OR5M1: variants seen among roughly 807,000 people sequenced by gnomAD.
The protein encoded by OR5M1 is olfactory receptor 5M1.
For missense variants in OR5M1, 367 were observed against 379.5 expected (o/e 0.97, Z 0.27); for synonymous variants, 165 against 144.2 (o/e 1.14, Z -1.04).
chr11:56,613,565 G>A, intron 1 of OR5M1, 46 bp from the exon 2 acceptor site: 1 of 1,483,340 alleles, frequency 6.7e-7, no homozygotes, highest in East Asian at 2.3e-5. Flanking sequence ...ATTCAGATTT[G>A]GCATTTGTTT....
rs370542101 is a variant in OR5M1, at chr11:56,612,463, T to C, written c.*92A>G. 4 of 866,788 alleles carry C rather than the reference T, an allele frequency of 4.6e-6. No homozygotes were observed. Among genetic ancestry groups the C allele is most frequent in the South Asian group, 1.9e-5 (1 of 53,892 alleles). 53.7% of individuals were successfully genotyped at this position (866,788 alleles called of 1,614,324 possible). A position where few individuals can be genotyped will look rare whatever the true frequency, so the allele number is the denominator to read the frequency against. On this transcript the variant is annotated 3_prime_UTR_variant, in exon 2 of 2. Transcript: ENST00000641076. ...TAAAGTGGTTACTGACAGTCCATGATGTTAAATAAATCACGACTACACTAG... is the reference window on the plus strand; with the variant it reads ...TAAAGTGGTTACTGACAGTCCATGACGTTAAATAAATCACGACTACACTAG...
rs1853690525 is a variant in OR5M1, at chr11:56,612,446, T to A, written c.*109A>T. ...TCATTTGGATAAGAAAGTAAAGTGG[T>A]TACTGACAGTCCATGATGTTAAATA... On this transcript the variant is annotated 3_prime_UTR_variant, in exon 2 of 2. Coordinates refer to ENST00000641076, the MANE Select transcript of OR5M1 (RefSeq NM_001004740.2). 2.8e-6 allele frequency: 2 copies of A among 708,218 alleles called. No homozygotes were observed. Among genetic ancestry groups the A allele is most frequent in the African/African-American group, 1.8e-5 (1 of 56,514 alleles). 43.9% of individuals were successfully genotyped at this position (708,218 alleles called of 1,614,324 possible).
intron 1 of OR5M1, 44 bp from the exon 2 acceptor site, chr11:56,613,563 T>C (rs761545532): frequency 1.8e-5 from 27 of 1,483,880 alleles, no homozygotes; most frequent in Middle Eastern, 1.8e-4. Flanking sequence ...TGATTCAGAT[T>C]TGGCATTTGT....
rs1185058869 is a variant in OR5M1 at position 56,611,013 on chromosome 11, C to T, written c.*1542G>A. On this transcript the variant is annotated 3_prime_UTR_variant, in exon 2 of 2. Coordinates refer to ENST00000641076, the MANE Select transcript of OR5M1 (RefSeq NM_001004740.2). ...TTTCAAATCTGGATATGAGACCATT[C>T]TGCTTGCCAGAAATGGAATACAATG... 3 of 152,050 alleles carry T rather than the reference C, an allele frequency of 2.0e-5. No individual in the cohort carries two copies. The highest frequency in any genetic ancestry group is 7.2e-5 in the African/African-American group (3 of 41,414). The allele number at this position is 152,050 out of a possible 1,614,324, so 9.4% of individuals were successfully genotyped here.
In OR5M1 at chr11:56,612,754, A is replaced by C; in HGVS notation, c.749T>G (p.Leu250Trp). 6.2e-7 allele frequency: 1 copy of C among 1,613,766 alleles called. No homozygotes were observed. Among genetic ancestry groups the C allele is most frequent in the Non-Finnish European group, 8.5e-7 (1 of 1,179,788 alleles). ...TCASHLTIVT[L>W]FYGTLFCMYV... ...CATGCAGAAGAGGGTTCCATAAAACAAAGTGACTATTGTCAGGTGGGAAGC... is the reference window on the plus strand; with the variant it reads ...CATGCAGAAGAGGGTTCCATAAAACCAAGTGACTATTGTCAGGTGGGAAGC... Residue 250 changes from leucine (L) to tryptophan (W), a missense_variant, in exon 2 of 2, where the codon TTG becomes TGG. Transcript: ENST00000641076.
intron 1 of OR5M1, among the ~76,000 whole-genome samples, 174 bp downstream of exon 1, chr11:56,614,683 G>A (rs975042170): frequency 3.3e-5 from 5 of 151,724 alleles, no homozygotes; most frequent in African/African-American, 7.3e-5. Context: ...ATAATTGATT[G>A]TAGAGAGTCA....
At position 56,613,436 on chromosome 11, in the gene OR5M1, G is replaced by C. The variant is rs757419543; in HGVS notation, c.67C>G (p.Leu23Val). 6.2e-7 allele frequency: 1 copy of C among 1,613,678 alleles called. No individual in the cohort carries two copies. Among genetic ancestry groups the C allele is most frequent in the Non-Finnish European group, 8.5e-7 (1 of 1,179,660 alleles). Residue 23 changes from leucine (L) to valine (V), a missense_variant, in exon 2 of 2, where the codon CTA becomes GTA. Coordinates refer to ENST00000641076, the MANE Select transcript of OR5M1 (RefSeq NM_001004740.2). ...ILLGLTDDPV[L>V]EKILFGVFLA... is the part of the protein sequence containing the mutation. ...AATACCCCAAACAGGATCTTCTCTA[G>C]CACTGGGTCGTCTGTCAGTCCCAAG...
chr11:56,613,265 T>C lies in OR5M1; in HGVS notation c.238A>G (p.Asn80Asp). 1 of 1,613,680 alleles carries C rather than the reference T, an allele frequency of 6.2e-7. No homozygotes were observed. Among genetic ancestry groups the C allele is most frequent in the Non-Finnish European group, 8.5e-7 (1 of 1,179,664 alleles). Residue 80 changes from asparagine (N) to aspartate (D), a missense_variant, in exon 2 of 2, where the codon AAT becomes GAT. Asn to Asp is a conservative substitution (Grantham distance 23). Transcript: ENST00000641076. ...TCTGAGAGGAAATTGTGCAGCATAT[T>C]TGGAGTAACATTGGAAGAATAGCAA... is the stretch of plus-strand genomic sequence containing the variant. ...DICYSSNVTP[N>D]MLHNFLSEQK...
At chr11:56,614,715 A>G (rs942645895) in intron 1 of OR5M1, 142 bp downstream of exon 1, 1 of 152,094 alleles carries the variant, frequency 6.6e-6, no homozygotes, top group Non-Finnish European at 1.5e-5. Context: ...ACATATGGAT[A>G]GAAAAGTCTA....
chr11:56,613,267 G>C lies in OR5M1; in HGVS notation c.236C>G (p.Pro79Arg), dbSNP rs1443943413. 8 of 1,613,720 alleles carry C rather than the reference G, an allele frequency of 5.0e-6. No homozygotes were observed. The Admixed American group carries it at 1.2e-4, about 24-fold the overall frequency. The change falls in exon 2 of 2, where the codon CCA becomes CGA. Residue 79 changes from proline to arginine, a missense_variant. Coordinates refer to ENST00000641076, the MANE Select transcript of OR5M1 (RefSeq NM_001004740.2). ...TGAGAGGAAATTGTGCAGCATATTT[G>C]GAGTAACATTGGAAGAATAGCAAAT... is the stretch of plus-strand genomic sequence containing the variant. ...VDICYSSNVT[P>R]NMLHNFLSEQ...
In OR5M1 at chr11:56,613,536, ATG is replaced by A; in HGVS notation, c.-17-19_-17-18del. 1 of 1,574,286 alleles carries A rather than the reference ATG, an allele frequency of 6.4e-7. No individual in the cohort carries two copies. The highest frequency in any genetic ancestry group is 8.7e-7 in the Non-Finnish European group (1 of 1,148,724). ...CTCTTGAAACTGAAAGTGACAAAGA[ATG>A]TGAGGATTTCTCTCTGATTCAGATT... On this transcript the variant is annotated intron_variant, in intron 1 of 1. Transcript: ENST00000641076.
chr11:56,614,490 C>T (rs770233149), intron 1 of OR5M1, among the ~76,000 whole-genome samples: 24 of 152,068 alleles, frequency 1.6e-4, no homozygotes, highest in Non-Finnish European at 2.9e-4. Flanking sequence ...CTAACCCACT[C>T]ATGACAATAT....
At position 56,613,404 on chromosome 11, in the gene OR5M1, C is replaced by G; in HGVS notation, c.99G>C (p.Ala33=). The G allele has an allele frequency of 6.2e-7, 1 of 1,613,578 alleles. No homozygotes were observed. Among genetic ancestry groups the G allele is most frequent in the African/African-American group, 1.3e-5 (1 of 75,020 alleles). ...LEKILFGVFL[A]IYLITLAGNL... is the part of the protein sequence containing the mutation. ...TGCCTGCCAGTGTGATTAGGTAGAT[C>G]GCAAGGAATACCCCAAACAGGATCT... The change falls in exon 2 of 2, where the codon GCG becomes GCC. Residue 33 remains alanine, a synonymous_variant. Coordinates refer to ENST00000641076, the MANE Select transcript of OR5M1 (RefSeq NM_001004740.2).
Position 56,614,355 on chromosome 11 carries a change from A to G in OR5M1, c.-18+502T>C, listed in dbSNP as rs146934481. On this transcript the variant is annotated intron_variant, in intron 1 of 1. Coordinates refer to ENST00000641076, the MANE Select transcript of OR5M1 (RefSeq NM_001004740.2). ...CCATTTTTCTGTGAAGAAAACATGA[A>G]TGTAGGATGCTTTTAGATGACCACT... is the stretch of plus-strand genomic sequence containing the variant. Among the ~76,000 whole-genome samples the G allele has an allele frequency of 4.9e-4, 74 of 152,294 alleles. No individual in the cohort carries two copies. The East Asian group carries it at 0.012, about 25-fold the overall frequency.
chr11:56,614,512 G>A (rs1396083692), intron 1 of OR5M1, among the ~76,000 whole-genome samples: 2 of 151,996 alleles, frequency 1.3e-5, no homozygotes, highest in Non-Finnish European at 2.9e-5. Flanking sequence ...GTTTAGGTAT[G>A]CACAGATAAT....
chr11:56,614,304 A>G (rs559525144), intron 1 of OR5M1, among the ~76,000 whole-genome samples: 1 of 152,308 alleles, frequency 6.6e-6, no homozygotes, highest in East Asian at 1.9e-4. Flanking sequence ...AACACACAGA[A>G]AAAGTTACAT....
rs1245342976 is a variant in OR5M1, at chr11:56,610,779, A to G, written c.*1776T>C. On this transcript the variant is annotated 3_prime_UTR_variant, in exon 2 of 2. Coordinates refer to ENST00000641076, the MANE Select transcript of OR5M1 (RefSeq NM_001004740.2). The stretch of plus-strand genomic sequence containing the variant: ...AAAGACATGCAGAAGGAAAAAATTA[A>G]ATCACAAATAGAAATAAATAAAATA... 1 of 152,168 alleles carries G rather than the reference A, an allele frequency of 6.6e-6. No homozygotes were observed. The highest frequency in any genetic ancestry group is 2.4e-5 in the African/African-American group (1 of 41,454). 9.4% of individuals were successfully genotyped at this position (152,168 alleles called of 1,614,324 possible).
At position 56,609,673 on chromosome 11, in the gene OR5M1, G is replaced by A. The variant is rs186220848; in HGVS notation, c.*2882C>T. 3.9e-5 allele frequency: 6 copies of A among 152,030 alleles called. No individual in the cohort carries two copies. Among genetic ancestry groups the A allele is most frequent in the Non-Finnish European group, 5.9e-5 (4 of 67,858 alleles). The allele number at this position is 152,030 out of a possible 1,614,324, so 9.4% of individuals were successfully genotyped here. A position where few individuals can be genotyped will look rare whatever the true frequency, so the allele number is the denominator to read the frequency against. On this transcript the variant is annotated 3_prime_UTR_variant, in exon 2 of 2. Coordinates refer to ENST00000641076, the MANE Select transcript of OR5M1 (RefSeq NM_001004740.2). ...AACATACACAAAAGGAACAATTAGA[G>A]ATGCACAGATACATCAGTCATAAAA...
In OR5M1 at chr11:56,612,484, A is replaced by G. The variant is rs1290397311; in HGVS notation, c.*71T>C. The G allele has an allele frequency of 1.8e-6, 2 of 1,121,816 alleles. No individual in the cohort carries two copies. The highest frequency in any genetic ancestry group is 2.3e-5 in the Admixed American group (1 of 43,860). The allele number at this position is 1,121,816 out of a possible 1,614,324, so 69.5% of individuals were successfully genotyped here. On this transcript the variant is annotated 3_prime_UTR_variant, in exon 2 of 2. Transcript: ENST00000641076. ...ATGATGTTAAATAAATCACGACTAC[A>G]CTAGGTTTTTCCATTTCAAAAGCCA...
Sources: allele counts gnomAD v4.1 joint callset (sites outside exome capture counted in the v4.1 genomes callset), GRCh38; gene constraint gnomAD v4.1.1; transcripts MANE v1.5; gene names NCBI Gene and HGNC (gene_info 2026-07-23, HGNC 2026-07-21).